The following CFAP46 variants were observed in gnomAD, a reference collection of about 807,000 sequenced individuals.
CFAP46 encodes the protein cilia- and flagella-associated protein 46.
Under a neutral mutation model 325.7 loss-of-function variants are expected in CFAP46, and 245 were observed. The ratio of observed to expected loss-of-function variants is 0.75; its 90% CI spans 0.68 to 0.84. CFAP46 has a LOEUF of 0.84. Ranked by LOEUF, CFAP46 falls within the 40% of genes least tolerant of loss-of-function variation. CFAP46 has a pLI of 0.00. For missense variants in CFAP46, 3,346 were observed against 3,543.0 expected (o/e 0.94, Z 1.41); for synonymous variants, 1,523 against 1,495.9 (o/e 1.02, Z -0.42).
intron 17 of CFAP46, among the ~76,000 whole-genome samples, chr10:132,913,765 G>A (rs566533752): frequency 4.6e-5 from 7 of 152,246 alleles, no homozygotes; most frequent in Non-Finnish European, 8.8e-5. Context: ...GGAAGTCTGT[G>A]GAGCCCTGGG....
intron 49 of CFAP46, 65 bp from the exon 50 acceptor site, chr10:132,833,590 G>C (rs1210151367): frequency 6.5e-7 from 1 of 1,535,088 alleles, no homozygotes; most frequent in African/African-American, 1.4e-5. Flanking sequence ...GGGTCGCAGG[G>C]CTCCGTCTTC....
chr10:132,808,994 A>C lies in CFAP46; in HGVS notation c.7665-90T>G. On this transcript the variant is annotated intron_variant, in intron 57 of 57. Coordinates refer to ENST00000368586, the MANE Select transcript of CFAP46 (RefSeq NM_001200049.3). The surrounding 1 kb of genome is among the most constrained non-coding windows in gnomAD (Gnocchi z 6.8). ...CCAGGGCACAGGGGCGGGAAGTGGC[A>C]GCTGCTCCAACTGAGGGCGCTCTGG... The C allele has an allele frequency of 7.5e-7, 1 of 1,327,512 alleles. No individual in the cohort carries two copies. The highest frequency in any genetic ancestry group is 1.0e-6 in the Non-Finnish European group (1 of 985,550). 82.2% of individuals were successfully genotyped at this position (1,327,512 alleles called of 1,614,324 possible).
intron 19 of CFAP46, 120 bp downstream of exon 19, chr10:132,912,535 C>G: frequency 2.1e-6 from 1 of 472,014 alleles, no homozygotes; most frequent in Non-Finnish European, 3.0e-6. Flanking sequence ...TCACCTCTCT[C>G]CTCTCCTCTC....
chr10:132,857,520 T>A, intron 39 of CFAP46, 70 bp downstream of exon 39: 2 of 1,481,368 alleles, frequency 1.4e-6, no homozygotes, highest in Non-Finnish European at 1.8e-6. Flanking sequence ...GCTTGTAAGG[T>A]AAGTTACAGT....
chr10:132,886,050 T>A lies in CFAP46; in HGVS notation c.3305-91A>T, dbSNP rs1005443649. 14 of 1,477,432 alleles carry A rather than the reference T, an allele frequency of 9.5e-6. No individual in the cohort carries two copies. Among genetic ancestry groups the A allele is most frequent in the Middle Eastern group, 1.8e-4 (1 of 5,614 alleles). 91.5% of individuals were successfully genotyped at this position (1,477,432 alleles called of 1,614,324 possible). On this transcript the variant is annotated intron_variant, in intron 25 of 57. Coordinates refer to ENST00000368586, the MANE Select transcript of CFAP46 (RefSeq NM_001200049.3). This position sits in a 1 kb window ranked among gnomAD's most constrained non-coding sequence, Gnocchi z 5.8. ...TCCCAGACTAAGCTGCCCATCACAG[T>A]GCCCCTGAGGTGGAACCGCGGCTAC...
intron 24 of CFAP46, among the ~76,000 whole-genome samples, chr10:132,896,661 C>A (rs1016652088): frequency 1.3e-5 from 2 of 152,136 alleles, no homozygotes; most frequent in Admixed American, 6.5e-5. Flanking sequence ...TCAATACTAC[C>A]CAAAGCAGTA....
At chr10:132,846,018 G>A in intron 44 of CFAP46, 39 bp downstream of exon 44, 1 of 1,579,876 alleles carries the variant, frequency 6.3e-7, no homozygotes, top group Non-Finnish European at 8.6e-7. Flanking sequence ...CAGAGCTCCA[G>A]AGCTGGGGGC....
rs1848078156 is a variant in CFAP46 at position 132,827,539 on chromosome 10, T to C, written c.7117+5819A>G. Among the ~76,000 whole-genome samples the C allele has an allele frequency of 6.6e-6, 1 of 151,928 alleles. No individual in the cohort carries two copies. The highest frequency in any genetic ancestry group is 2.1e-4 in the South Asian group (1 of 4,810). ...ACAAGCAGGAGACTCCACGAGGCCT[T>C]GGGGTCACAGGAAGGCTCGGAGTGC... On this transcript the variant is annotated intron_variant, in intron 50 of 57. Coordinates refer to ENST00000368586, the MANE Select transcript of CFAP46 (RefSeq NM_001200049.3). The surrounding 1 kb of genome is among the most constrained non-coding windows in gnomAD (Gnocchi z 5.7).
rs1347877560 is a variant in CFAP46, at chr10:132,934,838, T to G, written c.780A>C (p.Pro260=). 5 of 1,608,298 alleles carry G rather than the reference T, an allele frequency of 3.1e-6. No individual in the cohort carries two copies. In the African/African-American group the frequency reaches 6.7e-5, roughly 21 times the overall value. Residue 260 remains proline, a synonymous_variant, in exon 8 of 58, where the codon CCA becomes CCC. Coordinates refer to ENST00000368586, the MANE Select transcript of CFAP46 (RefSeq NM_001200049.3). ...LKAKAEQNDL[P]GDISVILRKA... ...TCCTCAGAATGACACTGATGTCACC[T>G]GGTAAATCATTTTGCTCCGCTTTTC...
intron 50 of CFAP46, among the ~76,000 whole-genome samples, chr10:132,821,383 C>G (rs1847820071): frequency 1.8e-5 from 2 of 110,974 alleles, no homozygotes; most frequent in East Asian, 3.0e-4. Context: ...TGTGTGTGCA[C>G]TGATGTGTGC....
In CFAP46 at chr10:132,919,306, G is replaced by A. The variant is rs1411374077; in HGVS notation, c.1858+9C>T. ...AGGCTGGGACACACTCGTGAGGGCG[G>A]GTACGAACCTCGCCGCAGCCTCAAC... On this transcript the variant is annotated intron_variant, in intron 15 of 57. Coordinates refer to ENST00000368586, the MANE Select transcript of CFAP46 (RefSeq NM_001200049.3). This position sits in a 1 kb window ranked among gnomAD's most constrained non-coding sequence, Gnocchi z 9.7. 3.2e-6 allele frequency: 5 copies of A among 1,548,440 alleles called. No homozygotes were observed. The highest frequency in any genetic ancestry group is 4.4e-6 in the Non-Finnish European group (5 of 1,145,916).
At chr10:132,833,706 G>C (rs1481239501) in intron 49 of CFAP46, among the ~76,000 whole-genome samples, 181 bp from the exon 50 acceptor site, 3 of 152,204 alleles carry the variant, frequency 2.0e-5, no homozygotes, top group Non-Finnish European at 4.4e-5. Context: ...CTCCCATCAC[G>C]CCTGTCCCTC....
rs140179358 is a variant in CFAP46 at position 132,920,270 on chromosome 10, G to A, written c.1607-88C>T. ...TCAGTAACCAATGCCCTGCGCCGGC[G>A]CCGGGGTGGCCACCCACAGGTAGCG... On this transcript the variant is annotated intron_variant, in intron 13 of 57. Transcript: ENST00000368586. 1,267 of 1,411,496 alleles carry A rather than the reference G, an allele frequency of 9.0e-4. 6 individuals carry two copies. In the African/African-American group the frequency reaches 0.017, roughly 19 times the overall value. The allele number at this position is 1,411,496 out of a possible 1,614,324, so 87.4% of individuals were successfully genotyped here. A position where few individuals can be genotyped will look rare whatever the true frequency, so the allele number is the denominator to read the frequency against.
intron 24 of CFAP46, among the ~76,000 whole-genome samples, chr10:132,898,229 G>A (rs1327649575): frequency 6.6e-6 from 1 of 152,198 alleles, no homozygotes; most frequent in East Asian, 1.9e-4. Context: ...CCAGCAGGGA[G>A]CTGCATCCAC....
Position 132,908,484 on chromosome 10 carries a change from G to A in CFAP46, c.2908C>T (p.Leu970=). The A allele has an allele frequency of 1.3e-6, 2 of 1,550,546 alleles. No homozygotes were observed. The highest frequency in any genetic ancestry group is 1.7e-6 in the Non-Finnish European group (2 of 1,146,992). ...HRALEMGIKY[L]KKFGPEESRL... The stretch of plus-strand genomic sequence containing the variant: ...GTTACTTACGGCCCAAATTTCTTCA[G>A]GTACTTGATGCCCATCTCCAGAGCC... Residue 970 remains leucine (L), a synonymous_variant, in exon 22 of 58, where the codon CTG becomes TTG. Coordinates refer to ENST00000368586, the MANE Select transcript of CFAP46 (RefSeq NM_001200049.3).
chr10:132,811,508 A>G (rs1847581129), intron 55 of CFAP46, among the ~76,000 whole-genome samples: 1 of 152,256 alleles, frequency 6.6e-6, no homozygotes, highest in African/African-American at 2.4e-5. Context: ...CCTGGGATGC[A>G]GGGGAGCCCC....
chr10:132,808,798 G>A lies in CFAP46; in HGVS notation c.7771C>T (p.Arg2591Trp), dbSNP rs370684600. Residue 2591 changes from arginine (R) to tryptophan (W), a missense_variant, in exon 58 of 58, where the codon CGG becomes TGG. Coordinates refer to ENST00000368586, the MANE Select transcript of CFAP46 (RefSeq NM_001200049.3). The surrounding 1 kb of genome is among the most constrained non-coding windows in gnomAD (Gnocchi z 6.8). Reference protein sequence around the residue: ...GPVWAAAPSHRVVQAWTCLPS... With the variant: ...GPVWAAAPSHWVVQAWTCLPS... ...AGGCAGGTCCAGGCCTGCACTACCCGATGGCTTGGTGCGGCAGCCCATACA... is the reference window on the plus strand; with the variant it reads ...AGGCAGGTCCAGGCCTGCACTACCCAATGGCTTGGTGCGGCAGCCCATACA... The A allele has an allele frequency of 1.5e-4, 235 of 1,605,300 alleles. No individual in the cohort carries two copies. Among genetic ancestry groups the A allele is most frequent in the Non-Finnish European group, 1.8e-4 (214 of 1,176,344 alleles).
intron 34 of CFAP46, among the ~76,000 whole-genome samples, chr10:132,866,800 C>T (rs1453327284): frequency 3.3e-5 from 5 of 152,226 alleles, no homozygotes; most frequent in East Asian, 1.9e-4. Flanking sequence ...ACGGTAACTG[C>T]GTTTTGGGTT....
chr10:132,913,487 G>A (rs922978195), intron 17 of CFAP46, among the ~76,000 whole-genome samples: 5 of 152,158 alleles, frequency 3.3e-5, no homozygotes, highest in East Asian at 1.9e-4. Flanking sequence ...TCACAGGAGC[G>A]CGAACCCTAT....
Sources: allele counts gnomAD v4.1 joint callset (sites outside exome capture counted in the v4.1 genomes callset), GRCh38; gene constraint gnomAD v4.1.1; non-coding constraint Gnocchi (gnomAD v3.1); transcripts MANE v1.5; gene names NCBI Gene and HGNC (gene_info 2026-07-23, HGNC 2026-07-21).